Variants in FAM120A observed in about 807,000 individuals in gnomAD.
FAM120A encodes constitutive coactivator of PPAR-gamma-like protein 1.
Under a neutral mutation model 109.7 loss-of-function variants are expected in FAM120A, and 15 were observed. That is an observed-to-expected ratio of 0.14 (90% confidence interval 0.09 to 0.21). The LOEUF is 0.21. Ranked by LOEUF, FAM120A falls within the 10% of genes least tolerant of loss-of-function variation. The pLI, the probability that FAM120A is intolerant of heterozygous loss-of-function variation, is 1.00. For missense variants in FAM120A, 899 were observed against 1,439.3 expected (o/e 0.62, Z 6.07); for synonymous variants, 493 against 572.8 (o/e 0.86, Z 1.99).
At chr9:93,489,773 T>G (rs531349310) in intron 3 of FAM120A, among the ~76,000 whole-genome samples, 2 of 152,346 alleles carry the variant, frequency 1.3e-5, no homozygotes, top group South Asian at 4.1e-4. Flanking sequence ...TATCTGACAA[T>G]TCTGGGGTCT....
intron 7 of FAM120A, among the ~76,000 whole-genome samples, chr9:93,522,241 C>A (rs1390470846): frequency 6.6e-6 from 1 of 152,104 alleles, no homozygotes; most frequent in East Asian, 1.9e-4. Context: ...TAATTATCAT[C>A]TTGATACAAA....
chr9:93,517,888 G>T (rs1860669697), intron 7 of FAM120A, among the ~76,000 whole-genome samples: 1 of 152,168 alleles, frequency 6.6e-6, no homozygotes, highest in Admixed American at 6.5e-5. Context: ...GCCTGAGCAT[G>T]TCCTGTCTTT....
At chr9:93,485,096 C>T (rs1410004481) in intron 3 of FAM120A, among the ~76,000 whole-genome samples, 2 of 152,138 alleles carry the variant, frequency 1.3e-5, no homozygotes, top group African/African-American at 4.8e-5. Flanking sequence ...GTGCCATGTC[C>T]TAGTCCTAGT....
At chr9:93,466,841 A>G (rs1858044527) in intron 1 of FAM120A, among the ~76,000 whole-genome samples, 1 of 152,090 alleles carries the variant, frequency 6.6e-6, no homozygotes, top group South Asian at 2.1e-4. Flanking sequence ...TTTCTCTGAC[A>G]GTGAGGACCT....
intron 9 of FAM120A, chr9:93,530,191 T>C (rs1861273233): frequency 1.3e-5 from 2 of 151,624 alleles, no homozygotes; most frequent in African/African-American, 5.0e-5. Context: ...AATATATACA[T>C]ATAGTGTGGC....
chr9:93,482,250 C>T (rs1030846571), intron 3 of FAM120A, among the ~76,000 whole-genome samples: 39 of 142,306 alleles, frequency 2.7e-4, no homozygotes, highest in Admixed American at 6.1e-4. Context: ...TGCAGTGGTG[C>T]GATCTCAGCT....
chr9:93,531,073 C>T (rs1047512612), intron 9 of FAM120A: 11 of 152,182 alleles, frequency 7.2e-5, no homozygotes, highest in Non-Finnish European at 1.6e-4. Context: ...ATCCTATAAG[C>T]TGAATGGCTC....
chr9:93,477,776 T>C (rs1858611165), intron 3 of FAM120A, among the ~76,000 whole-genome samples: 2 of 152,256 alleles, frequency 1.3e-5, no homozygotes, highest in Non-Finnish European at 2.9e-5. Context: ...GCTTCATATG[T>C]CACAGGGTTA....
intron 12 of FAM120A, among the ~76,000 whole-genome samples, chr9:93,554,179 A>ACACACACT (rs1862210225): frequency 6.8e-6 from 1 of 147,430 alleles, no homozygotes; most frequent in African/African-American, 2.6e-5. Flanking sequence ...ACACACACAC[A>ACACACACT]CTAGCCTTGC....
intron 3 of FAM120A, among the ~76,000 whole-genome samples, chr9:93,491,550 C>T (rs1291609254): frequency 6.6e-6 from 1 of 152,172 alleles, no homozygotes; most frequent in South Asian, 2.1e-4. Context: ...TCCACCCAAA[C>T]AGTATCTATT....
At chr9:93,507,571 G>A (rs566847090) in intron 5 of FAM120A, among the ~76,000 whole-genome samples, 144 of 152,282 alleles carry the variant, frequency 9.5e-4, no homozygotes, top group Non-Finnish European at 1.7e-3. Flanking sequence ...TGGTGGAAGC[G>A]GAGGATAAAG....
chr9:93,517,923 C>A (rs1860670741), intron 7 of FAM120A, among the ~76,000 whole-genome samples: 1 of 152,174 alleles, frequency 6.6e-6, no homozygotes, highest in Non-Finnish European at 1.5e-5. Context: ...TCCTACCTGT[C>A]TGTGAAGGTT....
intron 5 of FAM120A, among the ~76,000 whole-genome samples, chr9:93,502,308 C>T (rs1859835538): frequency 6.6e-6 from 1 of 152,086 alleles, no homozygotes; most frequent in African/African-American, 2.4e-5. Context: ...TTGATCTAAC[C>T]AGAGGTTTCT....
intron 3 of FAM120A, among the ~76,000 whole-genome samples, chr9:93,477,812 A>T (rs1254933203): frequency 6.6e-6 from 1 of 152,264 alleles, no homozygotes; most frequent in African/African-American, 2.4e-5. Flanking sequence ...TTGAAGAATT[A>T]TTGGAAAACC....
intron 3 of FAM120A, among the ~76,000 whole-genome samples, chr9:93,480,416 C>T (rs975588513): frequency 1.3e-5 from 2 of 152,178 alleles, no homozygotes; most frequent in African/African-American, 4.8e-5. Flanking sequence ...GGAGTGCGAC[C>T]TCTGTCTCTA....
At chr9:93,515,163 C>G (rs112066094) in intron 5 of FAM120A, among the ~76,000 whole-genome samples, 5,382 of 152,218 alleles carry the variant, frequency 0.035, 135 homozygotes, top group African/African-American at 0.069. Context: ...TAAAAACTCA[C>G]TAGTTAGCTG....
chr9:93,495,585 T>A (rs1859539472), intron 3 of FAM120A, among the ~76,000 whole-genome samples: 1 of 152,226 alleles, frequency 6.6e-6, no homozygotes, highest in Non-Finnish European at 1.5e-5. Flanking sequence ...TGTAGTCTAT[T>A]AAGAGTGTAA....
chr9:93,556,522 G>A lies in FAM120A; in HGVS notation c.2415G>A (p.Lys805=). ...HCCPWMYFDG[K]LFQSKLLKAS... is the part of the protein sequence containing the mutation. ...GTCCTTGGATGTATTTTGATGGGAA[G>A]CTCTTCCAATCCAAACTCCTCAAAG... The change falls in exon 13 of 18, where the codon AAG becomes AAA. Residue 805 remains lysine, a synonymous_variant. Transcript: ENST00000277165. 6.2e-7 allele frequency: 1 copy of A among 1,614,210 alleles called. No homozygotes were observed. Among genetic ancestry groups the A allele is most frequent in the Non-Finnish European group, 8.5e-7 (1 of 1,180,044 alleles).
At chr9:93,539,314 G>A (rs1861620692) in intron 10 of FAM120A, among the ~76,000 whole-genome samples, 1 of 152,112 alleles carries the variant, frequency 6.6e-6, no homozygotes. Flanking sequence ...AGTTGTTTTT[G>A]CCAGTGTAAA....
Sources: allele counts gnomAD v4.1 joint callset (sites outside exome capture counted in the v4.1 genomes callset), GRCh38; gene constraint gnomAD v4.1.1; transcripts MANE v1.5; gene names NCBI Gene and HGNC (gene_info 2026-07-23, HGNC 2026-07-21).